The following ANK3 variants were observed in gnomAD, a reference collection of about 807,000 sequenced individuals.
The protein encoded by ANK3 is ankyrin 3.
ANK3 carries 57 observed loss-of-function variants against 370.9 expected under a neutral mutation model. The ratio of observed to expected loss-of-function variants is 0.15; its 90% CI spans 0.12 to 0.19. The LOEUF is 0.19. Among genes scored for constraint, ANK3 ranks in the 10% least tolerant of loss-of-function variants. The pLI is 1.00. For synonymous variants in ANK3, 1,929 were observed against 1,946.3 expected, an observed-to-expected ratio of 0.99 and a Z score of 0.23; for missense variants, 4,439 against 5,302.1, an observed-to-expected ratio of 0.84 and a Z score of 5.06.
At chr10:60,166,508 G>A (rs2095627745) in intron 23 of ANK3, 83 bp downstream of exon 23, 1 of 1,081,754 alleles carries the variant, frequency 9.2e-7, no homozygotes. Flanking sequence ...AGTAACTCAA[G>A]GAAATATTAT....
chr10:60,086,467 T>C, intron 30 of ANK3: 3 of 456,004 alleles, frequency 6.6e-6, no homozygotes, highest in Non-Finnish European at 1.1e-5. Context: ...AAATGAGTCA[T>C]GAGACCAGGA....
chr10:60,282,110 C>T (rs537024690), intron 1 of ANK3, among the ~76,000 whole-genome samples: 25 of 152,248 alleles, frequency 1.6e-4, no homozygotes, highest in African/African-American at 5.8e-4. Flanking sequence ...AATGACTTAT[C>T]AGTGAATTTG....
intron 2 of ANK3, among the ~76,000 whole-genome samples, chr10:60,453,440 G>A (rs2064662799): frequency 2.6e-5 from 4 of 152,112 alleles, no homozygotes; most frequent in Admixed American, 2.6e-4. Context: ...TAGTCTTCGT[G>A]GTGTTCTGTT....
chr10:60,269,503 G>T lies in ANK3; in HGVS notation c.513+628C>A, dbSNP rs536485909. Among the ~76,000 whole-genome samples the T allele has an allele frequency of 5.7e-4, 86 of 152,166 alleles. 1 individual carries two copies. The highest frequency in any genetic ancestry group is 1.9e-3 in the African/African-American group (80 of 41,528). On this transcript the variant is annotated intron_variant, in intron 5 of 43. Coordinates refer to ENST00000280772, the MANE Select transcript of ANK3 (RefSeq NM_020987.5). ...TACTAAAAGCACAAAATTTAGCCATGTGTGGGTGGTGGGCACCTGTAATCC... is the reference window on the plus strand; with the variant it reads ...TACTAAAAGCACAAAATTTAGCCATTTGTGGGTGGTGGGCACCTGTAATCC...
rs750662925 is a variant in ANK3 at position 60,071,753 on chromosome 10, G to T, written c.9128C>A (p.Thr3043Asn). The change falls in exon 37 of 44, where the codon ACC becomes AAC. Residue 3043 changes from threonine (T) to asparagine (N), a missense_variant. Coordinates refer to ENST00000280772, the MANE Select transcript of ANK3 (RefSeq NM_020987.5). Reference protein sequence around the residue: ...GLCPPLEETETSPTKSPDSLE... With the variant: ...GLCPPLEETENSPTKSPDSLE... Reference sequence around the variant, plus strand: ...AGAATCAGGAGATTTGGTGGGGGAGGTTTCGGTTTCCTCGAGAGGTGGGCA... The same window carrying T: ...AGAATCAGGAGATTTGGTGGGGGAGTTTTCGGTTTCCTCGAGAGGTGGGCA... The T allele has an allele frequency of 1.9e-6, 3 of 1,598,298 alleles. No homozygotes were observed. In the South Asian group the frequency reaches 3.4e-5, roughly 18 times the overall value.
At chr10:60,045,093 T>A (rs1384112369) in intron 42 of ANK3, among the ~76,000 whole-genome samples, 1 of 152,124 alleles carries the variant, frequency 6.6e-6, no homozygotes, top group Non-Finnish European at 1.5e-5. Flanking sequence ...TAAAAAAAAA[T>A]GAGAACAAAA....
chr10:60,240,271 T>C lies in ANK3; in HGVS notation c.799-5485A>G, dbSNP rs553117673. Among the ~76,000 whole-genome samples the C allele has an allele frequency of 2.0e-3, 244 of 124,432 alleles. 1 individual carries two copies. The highest frequency in any genetic ancestry group is 6.9e-3 in the African/African-American group (228 of 32,822). The allele number at this position is 124,432 out of a possible 152,430, so 81.6% of individuals were successfully genotyped here. A position where few individuals can be genotyped will look rare whatever the true frequency, so the allele number is the denominator to read the frequency against. ...ATATATATACATATACACATATATA[T>C]ACACACACACATATATATATATATA... is the stretch of plus-strand genomic sequence containing the variant. On this transcript the variant is annotated intron_variant, in intron 7 of 43. Transcript: ENST00000280772.
intron 1 of ANK3, among the ~76,000 whole-genome samples, chr10:60,685,431 C>T (rs972149763): frequency 2.6e-5 from 4 of 152,068 alleles, no homozygotes; most frequent in Admixed American, 6.5e-5. Flanking sequence ...CTTAATGCCC[C>T]TCCCTCAGTT....
At chr10:60,414,569 T>G in intron 2 of ANK3, among the ~76,000 whole-genome samples, 1 of 152,170 alleles carries the variant, frequency 6.6e-6, no homozygotes, top group East Asian at 1.9e-4. Context: ...CCTTTGGAGA[T>G]AGGGAAGGAA....
intron 1 of ANK3, among the ~76,000 whole-genome samples, chr10:60,615,468 T>C (rs1425658958): frequency 6.6e-6 from 1 of 151,858 alleles, no homozygotes; most frequent in Non-Finnish European, 1.5e-5. Flanking sequence ...ATCAATAGCA[T>C]CAATGGTTTA....
intron 1 of ANK3, among the ~76,000 whole-genome samples, chr10:60,281,043 C>T (rs2098154844): frequency 6.6e-6 from 1 of 152,128 alleles, no homozygotes; most frequent in African/African-American, 2.4e-5. Context: ...GAGAGGAATG[C>T]TAATTCTTTC....
chr10:60,730,607 C>T (rs190494592), intron 1 of ANK3, among the ~76,000 whole-genome samples: 8 of 152,204 alleles, frequency 5.3e-5, no homozygotes, highest in South Asian at 2.1e-4. Flanking sequence ...TTTCACATGT[C>T]GACAAAGGAT....
intron 2 of ANK3, among the ~76,000 whole-genome samples, chr10:60,427,908 T>C (rs896238517): frequency 2.6e-5 from 4 of 152,060 alleles, no homozygotes; most frequent in African/African-American, 2.4e-5. Context: ...AAGGACACAT[T>C]TGAGTAAGCA....
At chr10:60,685,553 G>T (rs74155694) in intron 1 of ANK3, among the ~76,000 whole-genome samples, 7,908 of 152,288 alleles carry the variant, frequency 0.052, 291 homozygotes, top group African/African-American at 0.086. Context: ...ATTTACAACA[G>T]GTTTATTATA....
At chr10:60,536,769 T>C (rs946421657) in intron 2 of ANK3, among the ~76,000 whole-genome samples, 5 of 152,084 alleles carry the variant, frequency 3.3e-5, no homozygotes, top group Non-Finnish European at 7.4e-5. Flanking sequence ...GACTCATCTC[T>C]AATAAGTCAT....
intron 1 of ANK3, among the ~76,000 whole-genome samples, chr10:60,705,009 G>T (rs1049750230): frequency 1.3e-5 from 2 of 151,842 alleles, no homozygotes; most frequent in African/African-American, 4.8e-5. Flanking sequence ...ACCCATTCAG[G>T]GACAAAACAT....
At chr10:60,302,877 G>A (rs2044140208) in intron 1 of ANK3, among the ~76,000 whole-genome samples, 1 of 151,942 alleles carries the variant, frequency 6.6e-6, no homozygotes, top group Admixed American at 6.6e-5. Context: ...AGAACAATGG[G>A]ACAGAATAGA....
chr10:60,362,228 C>T (rs936872879), intron 1 of ANK3, among the ~76,000 whole-genome samples: 20 of 152,152 alleles, frequency 1.3e-4, no homozygotes, highest in Non-Finnish European at 2.6e-4. Context: ...AAAAACACTG[C>T]TAGAAAAAAA....
chr10:60,462,584 C>CTT (rs76654028), intron 2 of ANK3, among the ~76,000 whole-genome samples: 1 of 140,662 alleles, frequency 7.1e-6, no homozygotes. Context: ...AAAAATTTAG[C>CTT]TTTTTTTTTT....
Sources: allele counts gnomAD v4.1 joint callset (sites outside exome capture counted in the v4.1 genomes callset), GRCh38; gene constraint gnomAD v4.1.1; transcripts MANE v1.5; gene names NCBI Gene and HGNC (gene_info 2026-07-23, HGNC 2026-07-21).